Variants in SP100 observed in about 807,000 individuals in gnomAD.
SP100 encodes nuclear autoantigen Sp-100.
Under a neutral mutation model 130.0 loss-of-function variants are expected in SP100, and 84 were observed. The ratio of observed to expected loss-of-function variants is 0.65; its 90% CI spans 0.54 to 0.77. The LOEUF is 0.77. SP100 is among the 30% of genes least tolerant of loss of function. SP100 has a pLI of 0.00. For synonymous variants in SP100, 331 were observed against 351.7 expected (o/e 0.94, Z 0.66); for missense variants, 978 against 1,052.2 (o/e 0.93, Z 0.97).
At chr2:230,524,288 A>G (rs1453316516) in intron 24 of SP100, among the ~76,000 whole-genome samples, 1 of 150,394 alleles carries the variant, frequency 6.6e-6, no homozygotes, top group Non-Finnish European at 1.5e-5. Flanking sequence ...CCTGGGAGGC[A>G]GAAGTTGTAA....
chr2:230,537,510 A>C (rs746655592), intron 24 of SP100: 1 of 152,234 alleles, frequency 6.6e-6, no homozygotes, highest in Non-Finnish European at 1.5e-5. Flanking sequence ...GCCCACAGCC[A>C]AGCCCTCTGT....
At position 230,490,807 on chromosome 2, in the gene SP100, A is replaced by T. The variant is rs187572595; in HGVS notation, c.1601-3609A>T. 1.3e-3 allele frequency among the ~76,000 whole-genome samples: 198 copies of T among 152,258 alleles called. 1 individual carries two copies. The highest frequency in any genetic ancestry group is 4.5e-3 in the African/African-American group (189 of 41,552). On this transcript the variant is annotated intron_variant, in intron 17 of 28. Transcript: ENST00000340126. ...AAATTTTTTTTTAAGAATGTTGAAT[A>T]TTGGCACCCAATCTCTTCTGGCTTG... is the stretch of plus-strand genomic sequence containing the variant.
Position 230,473,384 on chromosome 2 carries a change from G to A in SP100, c.1490G>A (p.Gly497Asp), listed in dbSNP as rs1559507982. The change falls in exon 16 of 29, where the codon GGT (glycine) becomes GAT (aspartate). Residue 497 changes from glycine to aspartate, a missense_variant. Gly to Asp is a moderately conservative substitution (Grantham distance 94). Transcript: ENST00000340126. ...KCSCVMCFPK[G>D]VPRSQEARTE... ...TCCTGTGTCATGTGTTTTCCAAAAG[G>A]TGTGCCAAGAAGCCAAGAAGCAAGG... 1 of 1,614,044 alleles carries A rather than the reference G, an allele frequency of 6.2e-7. No homozygotes were observed.
At chr2:230,451,480 CTGTT>C (rs556376032) in intron 8 of SP100, among the ~76,000 whole-genome samples, 46 of 152,230 alleles carry the variant, frequency 3.0e-4, no homozygotes, top group African/African-American at 8.2e-4. Flanking sequence ...ATTTAAAAAT[CTGTT>C]TGTTTGTTTG....
chr2:230,442,976 C>A lies in SP100; in HGVS notation c.147C>A (p.Leu49=). 1 of 1,613,908 alleles carries A rather than the reference C, an allele frequency of 6.2e-7. No individual in the cohort carries two copies. Among genetic ancestry groups the A allele is most frequent in the Non-Finnish European group, 8.5e-7 (1 of 1,179,866 alleles). Residue 49 remains leucine (L), a synonymous_variant, in exon 3 of 29, where the codon CTC becomes CTA. Coordinates refer to ENST00000340126, the MANE Select transcript of SP100 (RefSeq NM_001080391.2). ...TEDQGVDDRL[L]YDIVFKHFKR... is the part of the protein sequence containing the mutation. ...ACCAGGGTGTAGATGACAGGCTGCT[C>A]TATGACATTGTATTCAAGCACTTCA... is the stretch of plus-strand genomic sequence containing the variant.
Position 230,489,515 on chromosome 2 carries a change from C to T in SP100, c.1601-4901C>T, listed in dbSNP as rs569289510. Among the ~76,000 whole-genome samples the T allele has an allele frequency of 9.9e-5, 15 of 152,010 alleles. No homozygotes were observed. In the East Asian group the frequency reaches 2.9e-3, roughly 29 times the overall value. On this transcript the variant is annotated intron_variant, in intron 17 of 28. Coordinates refer to ENST00000340126, the MANE Select transcript of SP100 (RefSeq NM_001080391.2). ...GAGTTTTTCATATCTCTATCTCCTTCAATTCTGCTCTGATCTTAGTTATTT... is the reference window on the plus strand; with the variant it reads ...GAGTTTTTCATATCTCTATCTCCTTTAATTCTGCTCTGATCTTAGTTATTT...
At chr2:230,469,300 G>C in intron 14 of SP100, 1 of 539,890 alleles carries the variant, frequency 1.9e-6, no homozygotes, top group East Asian at 3.3e-5. Flanking sequence ...TGCAACATAA[G>C]TTTATTTTTC....
chr2:230,520,889 C>T (rs1443573371), intron 24 of SP100, among the ~76,000 whole-genome samples: 1 of 152,206 alleles, frequency 6.6e-6, no homozygotes. Flanking sequence ...TCATTGGATA[C>T]AGATTGCAAC....
chr2:230,529,139 G>A (rs908181609), intron 24 of SP100, among the ~76,000 whole-genome samples: 3 of 152,060 alleles, frequency 2.0e-5, no homozygotes, highest in Non-Finnish European at 4.4e-5. Flanking sequence ...GAGAATTTTG[G>A]GCCAATATCC....
At chr2:230,466,976 T>G in intron 12 of SP100, 144 bp from the exon 13 acceptor site, 1 of 561,728 alleles carries the variant, frequency 1.8e-6, no homozygotes, top group Non-Finnish European at 3.2e-6. Context: ...AGGCAGATCA[T>G]GGAGGTTTGA....
At chr2:230,525,432 AT>A (rs2150101577) in intron 24 of SP100, among the ~76,000 whole-genome samples, 1 of 152,310 alleles carries the variant, frequency 6.6e-6, no homozygotes, top group African/African-American at 2.4e-5. Flanking sequence ...TTGTGAAGAA[AT>A]ACATTGGCAC....
intron 2 of SP100, among the ~76,000 whole-genome samples, chr2:230,423,101 C>T (rs1027349260): frequency 1.3e-5 from 2 of 152,070 alleles, no homozygotes; most frequent in African/African-American, 4.8e-5. Context: ...AGAAAATTGT[C>T]CATTAAATTA....
At chr2:230,500,095 C>T (rs897082623) in intron 19 of SP100, among the ~76,000 whole-genome samples, 6 of 152,090 alleles carry the variant, frequency 3.9e-5, no homozygotes, top group South Asian at 2.1e-4. Flanking sequence ...CGCCTAAACA[C>T]GGTGATATAC....
rs1339921046 is a variant in SP100 at position 230,461,353 on chromosome 2, T to C, written c.912T>C (p.Asn304=). Residue 304 remains asparagine, a synonymous_variant, in exon 9 of 29, where the codon AAT becomes AAC. Coordinates refer to ENST00000340126, the MANE Select transcript of SP100 (RefSeq NM_001080391.2). Reference sequence around the variant, plus strand: ...TAAAAAAGGAAAAGCCATTTTCTAATTCAAAAGTTGAGTGCCAAGCCCAAG... The same window carrying C: ...TAAAAAAGGAAAAGCCATTTTCTAACTCAAAAGTTGAGTGCCAAGCCCAAG... ...VDIKKEKPFS[N]SKVECQAQAR... 6.2e-7 allele frequency: 1 copy of C among 1,614,176 alleles called. No homozygotes were observed. The highest frequency in any genetic ancestry group is 8.5e-7 in the Non-Finnish European group (1 of 1,180,010).
intron 17 of SP100, among the ~76,000 whole-genome samples, chr2:230,489,945 T>A (rs923881434): frequency 7.2e-5 from 11 of 152,210 alleles, no homozygotes; most frequent in African/African-American, 2.7e-4. Context: ...ATGTGGTCAA[T>A]TTTAGAATAA....
chr2:230,536,186 G>C (rs765445568), intron 24 of SP100, among the ~76,000 whole-genome samples: 1 of 152,108 alleles, frequency 6.6e-6, no homozygotes, highest in Non-Finnish European at 1.5e-5. Flanking sequence ...AAAAGAGTGT[G>C]TTTCAGAAGA....
chr2:230,524,608 CT>C (rs1402887358), intron 24 of SP100, among the ~76,000 whole-genome samples: 1 of 151,994 alleles, frequency 6.6e-6, no homozygotes, highest in African/African-American at 2.4e-5. Flanking sequence ...TTATAAACTA[CT>C]AAAAATAAAT....
chr2:230,446,348 A>G (rs183887403), intron 4 of SP100, among the ~76,000 whole-genome samples: 234 of 152,304 alleles, frequency 1.5e-3, no homozygotes, highest in African/African-American at 5.4e-3. Flanking sequence ...GGCTCAAGCA[A>G]TCCTCCTGCA....
At chr2:230,461,187 G>C in intron 8 of SP100, 75 bp from the exon 9 acceptor site, 1 of 1,424,998 alleles carries the variant, frequency 7.0e-7, no homozygotes, top group South Asian at 1.2e-5. Context: ...AAATTGCAGA[G>C]AGGGGGAGTT....
Sources: allele counts gnomAD v4.1 joint callset (sites outside exome capture counted in the v4.1 genomes callset), GRCh38; gene constraint gnomAD v4.1.1; transcripts MANE v1.5; gene names NCBI Gene and HGNC (gene_info 2026-07-23, HGNC 2026-07-21).